PACS2: variants seen among roughly 807,000 people sequenced by gnomAD.
PACS2 encodes the protein phosphofurin acidic cluster sorting protein 2.
Under a neutral mutation model 113.0 loss-of-function variants are expected in PACS2, and 36 were observed. The ratio of observed to expected loss-of-function variants is 0.32; its 90% CI spans 0.24 to 0.42. The LOEUF (loss-of-function observed/expected upper bound fraction) is 0.42, where lower values mean the gene tolerates loss of function less well. PACS2 is among the 10% of genes least tolerant of loss of function. The pLI, the probability that PACS2 is intolerant of heterozygous loss-of-function variation, is 1.00. For synonymous variants in PACS2, 589 were observed against 536.1 expected (o/e 1.10, Z -1.36); for missense variants, 1,015 against 1,239.5 (o/e 0.82, Z 2.72).
intron 5 of PACS2, among the ~76,000 whole-genome samples, 164 bp from the exon 6 acceptor site, chr14:105,367,910 G>A (rs587696311): frequency 3.3e-5 from 5 of 152,318 alleles, no homozygotes; most frequent in African/African-American, 7.2e-5. Context: ...TGGGGGACTC[G>A]GGGGCTCGGG....
chr14:105,375,350 C>T (rs140088757), intron 8 of PACS2, among the ~76,000 whole-genome samples: 4,526 of 151,938 alleles, frequency 0.03, 265 homozygotes, highest in African/African-American at 0.11. Flanking sequence ...TGGTGATGGG[C>T]GCCTGTAGTC....
intron 1 of PACS2, among the ~76,000 whole-genome samples, chr14:105,306,741 G>A (rs1163603005): frequency 6.6e-6 from 1 of 152,152 alleles, no homozygotes; most frequent in East Asian, 1.9e-4. Context: ...AAGTAGCTAG[G>A]ATTACAGGCA....
chr14:105,383,337 C>A (rs782404493), intron 15 of PACS2, 22 bp from the exon 16 acceptor site: 3 of 1,604,276 alleles, frequency 1.9e-6, no homozygotes, highest in Non-Finnish European at 1.7e-6. Flanking sequence ...CCCTCTCCGT[C>A]CCACCTGCCT....
Position 105,355,688 on chromosome 14 carries a change from C to A in PACS2, c.423+511C>A, listed in dbSNP as rs1231251897. 2.6e-5 allele frequency among the ~76,000 whole-genome samples: 4 copies of A among 152,164 alleles called. No individual in the cohort carries two copies. The highest frequency in any genetic ancestry group is 9.7e-5 in the African/African-American group (4 of 41,436). On this transcript the variant is annotated intron_variant, in intron 4 of 24. Transcript: ENST00000447393. The surrounding 1 kb of genome is among the most constrained non-coding windows in gnomAD (Gnocchi z 4.1). ...AGAGGTCAGAGGGGTGGCTGGAGTT[C>A]CCTGGAGGGGAAAGAAGGGGAAGTA...
chr14:105,350,761 G>T (rs1194564528), intron 2 of PACS2, among the ~76,000 whole-genome samples: 1 of 152,232 alleles, frequency 6.6e-6, no homozygotes, highest in Admixed American at 6.5e-5. Flanking sequence ...GGTCCTCTGA[G>T]GGGGGAATGC....
In PACS2 at chr14:105,390,357, C is replaced by T. The variant is rs113941231; in HGVS notation, c.2076+354C>T. 9.0e-3 allele frequency: 3,043 copies of T among 336,518 alleles called. 82 individuals carry two copies. The highest frequency in any genetic ancestry group is 0.059 in the African/African-American group (2,840 of 47,970). 20.8% of individuals were successfully genotyped at this position (336,518 alleles called of 1,614,324 possible). A position where few individuals can be genotyped will look rare whatever the true frequency, so the allele number is the denominator to read the frequency against. ...GAGGGCGCCTCTGTCCTTTAGGAGC[C>T]CAAGGCCCCGGGAGCTTCCCAGTGC... On this transcript the variant is annotated intron_variant, in intron 20 of 24. Coordinates refer to ENST00000447393, the MANE Select transcript of PACS2 (RefSeq NM_001100913.3).
intron 9 of PACS2, among the ~76,000 whole-genome samples, chr14:105,378,133 C>T (rs985719434): frequency 6.6e-6 from 1 of 152,264 alleles, no homozygotes; most frequent in African/African-American, 2.4e-5. Flanking sequence ...CTCATCTCTT[C>T]TGCCTTCAGC....
chr14:105,327,023 C>T (rs944992590), intron 1 of PACS2, among the ~76,000 whole-genome samples: 4 of 152,210 alleles, frequency 2.6e-5, no homozygotes, highest in South Asian at 2.1e-4. Flanking sequence ...ACTCTTGGCT[C>T]GCCTGGCTAT....
At chr14:105,391,536 C>A in intron 21 of PACS2, 95 bp from the exon 22 acceptor site, 1 of 748,228 alleles carries the variant, frequency 1.3e-6, no homozygotes, top group Non-Finnish European at 2.1e-6. Context: ...CCCCCAGGAG[C>A]TGCCTGGCCT....
At chr14:105,316,928 G>T (rs2058680262) in intron 1 of PACS2, among the ~76,000 whole-genome samples, 1 of 152,190 alleles carries the variant, frequency 6.6e-6, no homozygotes, top group East Asian at 1.9e-4. Flanking sequence ...CAGGTGGGCA[G>T]ATGCAGTTTG....
intron 1 of PACS2, among the ~76,000 whole-genome samples, chr14:105,302,569 T>C (rs1162875195): frequency 6.6e-6 from 1 of 151,744 alleles, no homozygotes; most frequent in East Asian, 1.9e-4. Context: ...GTTCAATGTG[T>C]TCCCTTTTTC....
chr14:105,314,450 G>A (rs922736517), upstream of PACS2: 1 of 148,668 alleles, frequency 6.7e-6, no homozygotes, highest in African/African-American at 2.5e-5. Context: ...CCTTGCCCGC[G>A]GCTCCCGGGG....
At chr14:105,307,442 T>C (rs754890099) in intron 1 of PACS2, among the ~76,000 whole-genome samples, 3 of 152,126 alleles carry the variant, frequency 2.0e-5, no homozygotes, top group Non-Finnish European at 4.4e-5. Flanking sequence ...TTGCCCACCC[T>C]TTCCCTTCAC....
intron 19 of PACS2, among the ~76,000 whole-genome samples, chr14:105,387,419 G>A (rs1260341659): frequency 1.3e-5 from 2 of 152,226 alleles, no homozygotes; most frequent in African/African-American, 4.8e-5. Context: ...TCAGGCATCC[G>A]GCAGCTTGCC....
rs1436413785 is a variant in PACS2, at chr14:105,384,985, G to T, written c.1998G>T (p.Lys666Asn). The T allele has an allele frequency of 1.3e-6, 2 of 1,554,276 alleles. No homozygotes were observed. The highest frequency in any genetic ancestry group is 1.7e-6 in the Non-Finnish European group (2 of 1,143,782). The change falls in exon 18 of 25, where the codon AAG (lysine) becomes AAT (asparagine). Residue 666 changes from lysine (K) to asparagine (N), a missense_variant and splice_region_variant. Around this residue, in one of 3 missense-constraint regions of PACS2, gnomAD observed 859 missense variants for 1,056.8 expected, o/e 0.81. Coordinates refer to ENST00000447393, the MANE Select transcript of PACS2 (RefSeq NM_001100913.3). ...AGGCCATGCTGACCTACAAGCAGAA[G>T]AGGTAACGCGGTGGGCCCAGGCACC... Reference protein sequence around the residue: ...IAEAMLTYKQKRKKHFHFDFT... With the variant: ...IAEAMLTYKQNRKKHFHFDFT...
At chr14:105,347,978 C>A (rs1320335879) in intron 1 of PACS2, among the ~76,000 whole-genome samples, 1 of 152,234 alleles carries the variant, frequency 6.6e-6, no homozygotes, top group Non-Finnish European at 1.5e-5. Flanking sequence ...CTCCTGTGGC[C>A]TCAGGACGGA....
At chr14:105,360,547 A>C (rs1304619188) in intron 4 of PACS2, among the ~76,000 whole-genome samples, 1 of 151,462 alleles carries the variant, frequency 6.6e-6, no homozygotes, top group African/African-American at 2.4e-5. Context: ...CCTCTCAAAA[A>C]AAAAAAAAAA....
intron 24 of PACS2, chr14:105,394,312 C>G: frequency 1.0e-6 from 1 of 985,316 alleles, no homozygotes; most frequent in Non-Finnish European, 1.2e-6. Context: ...GGGGGAAATG[C>G]TGCCCTCCCC....
intron 1 of PACS2, among the ~76,000 whole-genome samples, chr14:105,339,296 C>T (rs905535813): frequency 1.3e-5 from 2 of 151,676 alleles, no homozygotes; most frequent in African/African-American, 4.9e-5. Flanking sequence ...CACCTGAGGT[C>T]AGGAGTTTGA....
Sources: allele counts gnomAD v4.1 joint callset (sites outside exome capture counted in the v4.1 genomes callset), GRCh38; gene constraint gnomAD v4.1.1; regional missense constraint gnomAD v4.1.1; non-coding constraint Gnocchi (gnomAD v3.1); transcripts MANE v1.5; gene names NCBI Gene and HGNC (gene_info 2026-07-23, HGNC 2026-07-21).